Variants in ELOB observed in about 807,000 individuals in gnomAD.
ELOB encodes elongin B.
ELOB carries 3 observed loss-of-function variants against 12.9 expected under a neutral mutation model. That is an observed-to-expected ratio of 0.23 (90% CI 0.11 to 0.60). ELOB has a LOEUF of 0.60. Among genes scored for constraint, ELOB ranks in the 20% least tolerant of loss-of-function variants. The pLI is 0.89. For missense variants in ELOB, 126 were observed against 159.2 expected (o/e 0.79, Z 1.12); for synonymous variants, 84 against 67.4 (o/e 1.25, Z -1.21).
chr16:2,775,305 T>C (rs1003289638), intron 3 of ELOB, 146 bp downstream of exon 3: 6 of 495,952 alleles, frequency 1.2e-5, no homozygotes, highest in African/African-American at 7.9e-5. Flanking sequence ...AACAAACACA[T>C]TGTGAAAGGA....
chr16:2,776,299 A>C (rs1374609931), intron 2 of ELOB, among the ~76,000 whole-genome samples: 1 of 152,246 alleles, frequency 6.6e-6, no homozygotes, highest in Non-Finnish European at 1.5e-5. Context: ...TGGAGCTAAA[A>C]GTCAGTTTCC....
intron 3 of ELOB, among the ~76,000 whole-genome samples, chr16:2,774,892 C>T (rs1238736724): frequency 6.6e-6 from 1 of 152,166 alleles, no homozygotes; most frequent in East Asian, 1.9e-4. Flanking sequence ...CAGCAGATGA[C>T]CTAACCTCCC....
chr16:2,777,153 A>C, intron 1 of ELOB, 26 bp from the exon 2 acceptor site: 1 of 1,403,194 alleles, frequency 7.1e-7, no homozygotes, highest in South Asian at 1.3e-5. Flanking sequence ...CGGCGTGAGC[A>C]CGAAGCCCGG....
rs912730841 is a variant in ELOB at position 2,771,846 on chromosome 16, A to G, written c.*144T>C. On this transcript the variant is annotated 3_prime_UTR_variant, in exon 4 of 4. Coordinates refer to ENST00000409906, the MANE Select transcript of ELOB (RefSeq NM_007108.4). ...AGGGTCTCAGGATCTGGGAGACAGG[A>G]CAGCACAGGAACTGCCAAGCACAAG... 1 of 1,458,132 alleles carries G rather than the reference A, an allele frequency of 6.9e-7. No homozygotes were observed. Among genetic ancestry groups the G allele is most frequent in the Non-Finnish European group, 9.0e-7 (1 of 1,107,354 alleles). 90.3% of individuals were successfully genotyped at this position (1,458,132 alleles called of 1,614,324 possible).
intron 3 of ELOB, among the ~76,000 whole-genome samples, chr16:2,773,259 G>C (rs1285400995): frequency 6.6e-6 from 1 of 152,062 alleles, no homozygotes; most frequent in Non-Finnish European, 1.5e-5. Flanking sequence ...TGGGGAGGTG[G>C]GGTGCCCCAG....
rs73474764 is a variant in ELOB at position 2,775,312 on chromosome 16, A to G, written c.244+139T>C. 1,968 of 505,014 alleles carry G rather than the reference A, an allele frequency of 3.9e-3. 33 individuals carry two copies. Among genetic ancestry groups the G allele is most frequent in the African/African-American group, 0.033 (1,685 of 50,990 alleles). 31.3% of individuals were successfully genotyped at this position (505,014 alleles called of 1,614,324 possible). A position where few individuals can be genotyped will look rare whatever the true frequency, so the allele number is the denominator to read the frequency against. ...AATGAGGAAACAAACACATTGTGAA[A>G]GGATATTGCCAGCCCTTTAGGCACG... On this transcript the variant is annotated intron_variant, in intron 3 of 3. Coordinates refer to ENST00000409906, the MANE Select transcript of ELOB (RefSeq NM_007108.4).
chr16:2,772,274 C>G (rs2068763944), intron 3 of ELOB, 172 bp from the exon 4 acceptor site: 1 of 749,322 alleles, frequency 1.3e-6, no homozygotes, highest in African/African-American at 1.8e-5. Flanking sequence ...CCCCGTGGCC[C>G]CACGGTAATG....
Position 2,775,486 on chromosome 16 carries a change from T to C in ELOB, c.209A>G (p.Gln70Arg), listed in dbSNP as rs1596303127. The change falls in exon 3 of 4, where the codon CAG (glutamine) becomes CGG (arginine). Residue 70 changes from glutamine to arginine, a missense_variant. Physicochemically the swap from Gln to Arg is conservative, Grantham distance 43. Coordinates refer to ENST00000409906, the MANE Select transcript of ELOB (RefSeq NM_007108.4). ...CGFTSQTARP[Q>R]APATVGLAFR... ...GGCCAGCCCCACTGTGGCTGGGGCC[T>C]GTGGCCGTGCTGTTTGACTGGTGAA... 1.2e-6 allele frequency: 2 copies of C among 1,606,334 alleles called. No individual in the cohort carries two copies. Among genetic ancestry groups the C allele is most frequent in the Admixed American group, 1.7e-5 (1 of 59,936 alleles).
chr16:2,771,804 G>A lies in ELOB; in HGVS notation c.*186C>T, dbSNP rs1406459432. Reference sequence around the variant, plus strand: ...CCATGGTGCCTTTAAGCAGCAGGCTGGGCCAAGTTCTCAGCCAGGGTCTCA... The same window carrying A: ...CCATGGTGCCTTTAAGCAGCAGGCTAGGCCAAGTTCTCAGCCAGGGTCTCA... On this transcript the variant is annotated 3_prime_UTR_variant, in exon 4 of 4. Coordinates refer to ENST00000409906, the MANE Select transcript of ELOB (RefSeq NM_007108.4). 2.1e-6 allele frequency: 3 copies of A among 1,452,770 alleles called. No homozygotes were observed. Among genetic ancestry groups the A allele is most frequent in the Non-Finnish European group, 2.7e-6 (3 of 1,107,220 alleles). 90.0% of individuals were successfully genotyped at this position (1,452,770 alleles called of 1,614,324 possible).
intron 3 of ELOB, among the ~76,000 whole-genome samples, chr16:2,773,292 T>C (rs909399578): frequency 2.6e-5 from 4 of 152,058 alleles, no homozygotes; most frequent in African/African-American, 9.7e-5. Context: ...GGTAGAGGCC[T>C]GGGATACGGC....
chr16:2,777,170 CG>C, intron 1 of ELOB, 43 bp from the exon 2 acceptor site: 2 of 1,175,908 alleles, frequency 1.7e-6, no homozygotes, highest in South Asian at 4.1e-5. Context: ...CCGGGCCCCC[CG>C]CGCGGCCCAG....
intron 2 of ELOB, among the ~76,000 whole-genome samples, chr16:2,776,420 C>G (rs775787462): frequency 6.6e-6 from 1 of 152,198 alleles, no homozygotes; most frequent in Non-Finnish European, 1.5e-5. Context: ...ACCCCAAACC[C>G]CAAGCCATTC....
chr16:2,771,714 C>A lies in ELOB; in HGVS notation c.*276G>T. On this transcript the variant is annotated 3_prime_UTR_variant, in exon 4 of 4. Coordinates refer to ENST00000409906, the MANE Select transcript of ELOB (RefSeq NM_007108.4). ...CTCCCAGTCCTTCCCTTTCCTCCCC[C>A]TGGCGTGGTTGGTGTGGCTGGCTAG... 5 of 1,562,674 alleles carry A rather than the reference C, an allele frequency of 3.2e-6. No homozygotes were observed. In the East Asian group the frequency reaches 9.0e-5, roughly 28 times the overall value.
intron 2 of ELOB, among the ~76,000 whole-genome samples, chr16:2,776,496 G>A (rs943557240): frequency 4.6e-5 from 7 of 152,184 alleles, no homozygotes; most frequent in Non-Finnish European, 8.8e-5. Flanking sequence ...GCAGGAGGTC[G>A]GGAGGTAATA....
intron 3 of ELOB, among the ~76,000 whole-genome samples, chr16:2,774,706 C>A (rs902379042): frequency 2.6e-5 from 4 of 152,234 alleles, no homozygotes; most frequent in African/African-American, 9.6e-5. Context: ...AACCTCTCTT[C>A]AAGTTCCTAG....
chr16:2,774,165 G>T (rs1055846811), intron 3 of ELOB, among the ~76,000 whole-genome samples: 1 of 152,196 alleles, frequency 6.6e-6, no homozygotes, highest in African/African-American at 2.4e-5. Flanking sequence ...GGGAGGCAGC[G>T]GCTGCAGTGG....
intron 3 of ELOB, 114 bp downstream of exon 3, chr16:2,775,337 G>T: frequency 1.7e-6 from 1 of 592,312 alleles, no homozygotes; most frequent in Non-Finnish European, 2.8e-6. Flanking sequence ...CTTTAGGCAC[G>T]AGGAAGACAC....
chr16:2,773,011 T>A lies in ELOB; in HGVS notation c.245-909A>T, dbSNP rs1164457873. 3.3e-5 allele frequency among the ~76,000 whole-genome samples: 5 copies of A among 152,256 alleles called. No individual in the cohort carries two copies. The East Asian group carries it at 5.8e-4, about 18-fold the overall frequency. Reference sequence around the variant, plus strand: ...CCCAAAAGTCAAGACATCCTGACACTCTGGGCGTAGGGGCACTTACCACTG... The same window carrying A: ...CCCAAAAGTCAAGACATCCTGACACACTGGGCGTAGGGGCACTTACCACTG... On this transcript the variant is annotated intron_variant, in intron 3 of 3. Coordinates refer to ENST00000409906, the MANE Select transcript of ELOB (RefSeq NM_007108.4).
At position 2,771,422 on chromosome 16, in the gene ELOB, T is replaced by C. The variant is rs746430204; in HGVS notation, c.*568A>G. The C allele has an allele frequency of 4.8e-5, 78 of 1,613,416 alleles. No homozygotes were observed. The highest frequency in any genetic ancestry group is 5.8e-5 in the Non-Finnish European group (69 of 1,179,520). ...ATGAGAAATGCAGGAACTGGGTCTG[T>C]AGACTGTTTATTAAAGGTGTGTTAA... is the stretch of plus-strand genomic sequence containing the variant. On this transcript the variant is annotated 3_prime_UTR_variant, in exon 4 of 4. Transcript: ENST00000409906.
Sources: gnomAD v4.1 joint callset for allele counts (sites outside exome capture counted in the v4.1 genomes callset) on GRCh38, gnomAD v4.1.1 for gene constraint, MANE v1.5 for transcripts, NCBI Gene and HGNC (gene_info 2026-07-23, HGNC 2026-07-21) for gene names.